The following KLF12 variants were observed in gnomAD, a reference collection of about 807,000 sequenced individuals.
KLF12 encodes KLF transcription factor 12.
In KLF12, 9 loss-of-function variants were observed where a neutral mutation model predicts 37.8. That is an observed-to-expected ratio of 0.24 (90% CI 0.14 to 0.42). The LOEUF is 0.42. Ranked by LOEUF, KLF12 falls within the 10% of genes least tolerant of loss-of-function variation. The pLI, the probability that KLF12 is intolerant of heterozygous loss-of-function variation, is 1.00. For synonymous variants in KLF12, 208 were observed against 202.1 expected (o/e 1.03, Z -0.25); for missense variants, 411 against 516.0 (o/e 0.80, Z 1.97).
rs899609742 is a variant in KLF12, at chr13:73,687,170, G to A, written c.*8320C>T. 2 of 152,518 alleles carry A rather than the reference G, an allele frequency of 1.3e-5. No individual in the cohort carries two copies. Among genetic ancestry groups the A allele is most frequent in the African/African-American group, 4.8e-5 (2 of 41,406 alleles). 9.4% of individuals were successfully genotyped at this position (152,518 alleles called of 1,614,324 possible). ...TGCTGGTTTCTCTTTTTTTAAATGA[G>A]CATGTTATGATACACATAATTGCAT... is the stretch of plus-strand genomic sequence containing the variant. On this transcript the variant is annotated 3_prime_UTR_variant, in exon 8 of 8. Transcript: ENST00000377669.
rs190531833 is a variant in KLF12 at position 73,787,915 on chromosome 13, A to G, written c.807-22915T>C. Reference sequence around the variant, plus strand: ...GGTAGAAATAACCAAATCTAAAAGGAAGTCAGGGAAAAGAGAGGGACAGGA... The same window carrying G: ...GGTAGAAATAACCAAATCTAAAAGGGAGTCAGGGAAAAGAGAGGGACAGGA... On this transcript the variant is annotated intron_variant, in intron 5 of 7. Transcript: ENST00000377669. Among the ~76,000 whole-genome samples the G allele has an allele frequency of 3.7e-3, 558 of 152,292 alleles. 1 individual carries two copies. The highest frequency in any genetic ancestry group is 6.7e-3 in the Non-Finnish European group (456 of 68,026).
chr13:74,092,967 A>C (rs985519036), intron 1 of KLF12, among the ~76,000 whole-genome samples: 26 of 152,232 alleles, frequency 1.7e-4, no homozygotes, highest in Admixed American at 1.6e-3. Flanking sequence ...CAAACAAAAA[A>C]TCCAGACAAC....
At chr13:73,823,774 G>A (rs1302307484) in intron 4 of KLF12, among the ~76,000 whole-genome samples, 8 of 152,040 alleles carry the variant, frequency 5.3e-5, no homozygotes, top group African/African-American at 1.9e-4. Context: ...GCAATGGTGT[G>A]ATCTTGGCTC....
chr13:74,128,428 T>G (rs551679766), intron 1 of KLF12, among the ~76,000 whole-genome samples: 1 of 152,176 alleles, frequency 6.6e-6, no homozygotes, highest in Non-Finnish European at 1.5e-5. Flanking sequence ...ACAAGAACTT[T>G]GTAGTTTTAC....
intron 1 of KLF12, among the ~76,000 whole-genome samples, chr13:74,132,492 T>C (rs1463946775): frequency 6.6e-6 from 1 of 152,198 alleles, no homozygotes; most frequent in African/African-American, 2.4e-5. Flanking sequence ...TCGCCGAGAA[T>C]TCCATTAGCC....
intron 5 of KLF12, among the ~76,000 whole-genome samples, chr13:73,786,250 C>T (rs922717923): frequency 1.3e-5 from 2 of 152,142 alleles, no homozygotes; most frequent in African/African-American, 2.4e-5. Flanking sequence ...CATTTAACTC[C>T]CTTTCATCAT....
At chr13:74,139,618 G>C in the KLF12 span, among the ~76,000 whole-genome samples, 2 of 151,680 alleles carry the variant, frequency 1.3e-5, no homozygotes, top group Non-Finnish European at 2.9e-5. Context: ...CTTTCATATG[G>C]AATTGTTTAA....
intron 3 of KLF12, 117 bp downstream of exon 3, chr13:73,943,864 G>C: frequency 1.5e-6 from 1 of 672,128 alleles, no homozygotes; most frequent in Non-Finnish European, 2.6e-6. Flanking sequence ...TTTAACCTGA[G>C]AGAGAAAAGC....
chr13:73,806,649 C>CAAAAAAAAAAAAAAAAA (rs11482328), intron 5 of KLF12, among the ~76,000 whole-genome samples: 2 of 108,318 alleles, frequency 1.8e-5, no homozygotes, highest in Non-Finnish European at 1.9e-5. Context: ...AAAAAACAAA[C>CAAAAAAAAAAAAAAAAA]AAAAAAAAAA....
At chr13:73,795,166 G>C (rs925258671) in intron 5 of KLF12, among the ~76,000 whole-genome samples, 2 of 152,208 alleles carry the variant, frequency 1.3e-5, no homozygotes, top group African/African-American at 4.8e-5. Context: ...CCATGATAAA[G>C]ATGGCTCTGC....
intron 3 of KLF12, among the ~76,000 whole-genome samples, chr13:73,921,036 C>A (rs1889089536): frequency 6.6e-6 from 1 of 152,028 alleles, no homozygotes; most frequent in Non-Finnish European, 1.5e-5. Context: ...GGAGAGAGAG[C>A]AGACACCACA....
At chr13:73,752,322 C>T (rs1020590088) in intron 6 of KLF12, among the ~76,000 whole-genome samples, 1 of 152,154 alleles carries the variant, frequency 6.6e-6, no homozygotes, top group Non-Finnish European at 1.5e-5. Flanking sequence ...TACATTTTTA[C>T]AGCCTTTAGT....
intron 4 of KLF12, among the ~76,000 whole-genome samples, chr13:73,838,091 G>C (rs1884537055): frequency 6.6e-6 from 1 of 152,190 alleles, no homozygotes; most frequent in Admixed American, 6.5e-5. Flanking sequence ...GTGAAACAAA[G>C]AGATCTGAAA....
At chr13:73,806,649 C>CAAAA (rs11482328) in intron 5 of KLF12, among the ~76,000 whole-genome samples, 2 of 108,302 alleles carry the variant, frequency 1.8e-5, no homozygotes, top group Non-Finnish European at 3.8e-5. Context: ...AAAAAACAAA[C>CAAAA]AAAAAAAAAA....
At chr13:74,285,036 A>T in the KLF12 span, among the ~76,000 whole-genome samples, 1 of 152,148 alleles carries the variant, frequency 6.6e-6, no homozygotes, top group East Asian at 1.9e-4. Flanking sequence ...TAACTCATCA[A>T]ATTTCTCTTG....
At chr13:73,892,867 A>C (rs138239515) in intron 3 of KLF12, among the ~76,000 whole-genome samples, 1 of 152,314 alleles carries the variant, frequency 6.6e-6, no homozygotes, top group East Asian at 1.9e-4. Flanking sequence ...GGTAGGGTGA[A>C]GCTACTACTC....
intron 3 of KLF12, among the ~76,000 whole-genome samples, chr13:73,889,269 G>A (rs1369105864): frequency 1.3e-5 from 2 of 152,154 alleles, no homozygotes; most frequent in Non-Finnish European, 2.9e-5. Context: ...GTATGTATAT[G>A]TGTATGTGCA....
chr13:74,148,975 C>T, the KLF12 span, among the ~76,000 whole-genome samples: 1 of 152,088 alleles, frequency 6.6e-6, no homozygotes, highest in African/African-American at 2.4e-5. Flanking sequence ...CCACCAGGCC[C>T]AGCTAATTTT....
chr13:74,166,066 T>A, the KLF12 span, among the ~76,000 whole-genome samples: 3,950 of 151,270 alleles, frequency 0.026, 78 homozygotes, highest in Middle Eastern at 0.075. Flanking sequence ...TGCACAGGAT[T>A]TTGAACTAAT....
Sources: allele counts gnomAD v4.1 joint callset (sites outside exome capture counted in the v4.1 genomes callset), GRCh38; gene constraint gnomAD v4.1.1; transcripts MANE v1.5; gene names NCBI Gene and HGNC (gene_info 2026-07-23, HGNC 2026-07-21).